SEL1L3: variants seen among roughly 807,000 people sequenced by gnomAD.
SEL1L3 encodes SEL1L family member 3.
A neutral mutation model predicts 142.8 loss-of-function variants in SEL1L3; 76 were observed. That is an observed-to-expected ratio of 0.53 (90% CI 0.44 to 0.64). SEL1L3 has a LOEUF of 0.64. SEL1L3 is among the 30% of genes least tolerant of loss of function. The pLI is 0.00. For missense variants in SEL1L3, 1,262 were observed against 1,381.7 expected, an observed-to-expected ratio of 0.91 and a Z score of 1.37; for synonymous variants, 504 against 519.6, an observed-to-expected ratio of 0.97 and a Z score of 0.41.
At chr4:25,764,164 C>T (rs1051206471) in intron 20 of SEL1L3, among the ~76,000 whole-genome samples, 18 of 152,180 alleles carry the variant, frequency 1.2e-4, no homozygotes, top group African/African-American at 3.6e-4. Context: ...CCCAAATCAA[C>T]AGACATTCTA....
chr4:25,769,503 A>T (rs1719000042), intron 17 of SEL1L3, among the ~76,000 whole-genome samples: 1 of 152,202 alleles, frequency 6.6e-6, no homozygotes, highest in Non-Finnish European at 1.5e-5. Context: ...GTCCCAAAGG[A>T]TGCTTGGGGA....
intron 11 of SEL1L3, among the ~76,000 whole-genome samples, chr4:25,801,034 G>A (rs945121060): frequency 6.6e-6 from 1 of 152,188 alleles, no homozygotes; most frequent in African/African-American, 2.4e-5. Context: ...AGTCAGCCAC[G>A]CAGCCTAAAA....
chr4:25,804,853 T>C, intron 9 of SEL1L3, 101 bp from the exon 10 acceptor site: 1 of 863,860 alleles, frequency 1.2e-6, no homozygotes, highest in Non-Finnish European at 1.9e-6. Context: ...GAGTTATTGA[T>C]ATGGTCGGTC....
At position 25,784,237 on chromosome 4, in the gene SEL1L3, T is replaced by G; in HGVS notation, c.2271A>C (p.Ala757=). 1 of 1,613,310 alleles carries G rather than the reference T, an allele frequency of 6.2e-7. No homozygotes were observed. The highest frequency in any genetic ancestry group is 1.1e-5 in the South Asian group (1 of 91,064). ...RRLALELMKK[A]ASKGLHQAVN... The stretch of plus-strand genomic sequence containing the variant: ...AATATGCATGTGTTACCTTGGAAGC[T>G]GCTTTCTTCATCAGCTCTAAGGCAA... The change falls in exon 14 of 24, where the codon GCA becomes GCC. Residue 757 remains alanine, a synonymous_variant. Transcript: ENST00000399878.
chr4:25,802,410 A>G lies in SEL1L3; in HGVS notation c.1829T>C (p.Met610Thr), dbSNP rs1367531667. 6.2e-7 allele frequency: 1 copy of G among 1,613,902 alleles called. No homozygotes were observed. Among genetic ancestry groups the G allele is most frequent in the Non-Finnish European group, 8.5e-7 (1 of 1,179,840 alleles). Residue 610 changes from methionine to threonine, a missense_variant, in exon 11 of 24, where the codon ATG (methionine) becomes ACG (threonine). By Grantham distance (81) the Met-to-Thr change is moderately conservative. Coordinates refer to ENST00000399878, the MANE Select transcript of SEL1L3 (RefSeq NM_015187.5). ...GGQGSERLSS[M>T]NLGYKHYQGI... ...CTGGTAGTGTTTATACCCAAGATTC[A>G]TTGAAGACAGCCTCTCACTCCCCTG...
At chr4:25,819,605 C>A (rs1016870006) in intron 8 of SEL1L3, among the ~76,000 whole-genome samples, 1 of 152,192 alleles carries the variant, frequency 6.6e-6, no homozygotes, top group African/African-American at 2.4e-5. Context: ...TTCTTCTTGG[C>A]TGTCATTGGT....
At chr4:25,842,882 A>C (rs1315306727) in intron 2 of SEL1L3, among the ~76,000 whole-genome samples, 1 of 152,240 alleles carries the variant, frequency 6.6e-6, no homozygotes, top group Non-Finnish European at 1.5e-5. Flanking sequence ...TGATCAGGCC[A>C]GGAAGGAAAA....
chr4:25,766,528 A>C (rs1400745693), intron 19 of SEL1L3, among the ~76,000 whole-genome samples: 1 of 152,112 alleles, frequency 6.6e-6, no homozygotes, highest in Admixed American at 6.5e-5. Flanking sequence ...GAGGAATTTC[A>C]TCATGGGGAA....
chr4:25,754,159 A>G (rs1045679297), intron 23 of SEL1L3, among the ~76,000 whole-genome samples: 15 of 144,936 alleles, frequency 1.0e-4, no homozygotes, highest in East Asian at 2.1e-4. Flanking sequence ...AAAATTAGCC[A>G]GGCGTGGTGG....
intron 13 of SEL1L3, among the ~76,000 whole-genome samples, chr4:25,786,645 G>C (rs1397390893): frequency 6.6e-6 from 1 of 152,166 alleles, no homozygotes; most frequent in Non-Finnish European, 1.5e-5. Context: ...CTGTGTATGA[G>C]CTCCCTGAGG....
At chr4:25,781,755 G>A (rs561993162) in intron 15 of SEL1L3, among the ~76,000 whole-genome samples, 16 of 152,246 alleles carry the variant, frequency 1.1e-4, no homozygotes, top group Middle Eastern at 3.4e-3. Flanking sequence ...ACATAAGAGG[G>A]CACATGGTAG....
rs912357396 is a variant in SEL1L3 at position 25,856,107 on chromosome 4, C to T, written c.162+6568G>A. ...GGTCCCTCTAGACCTTTTCAGACAA[C>T]TGCCCTACATTCTAGACCGTTTCCA... On this transcript the variant is annotated intron_variant, in intron 1 of 23. Transcript: ENST00000399878. 5.9e-5 allele frequency among the ~76,000 whole-genome samples: 9 copies of T among 152,304 alleles called. No homozygotes were observed. The East Asian group carries it at 1.7e-3, about 29-fold the overall frequency.
At chr4:25,725,688 A>G in the SEL1L3 span, among the ~76,000 whole-genome samples, 2 of 152,108 alleles carry the variant, frequency 1.3e-5, no homozygotes, top group African/African-American at 4.8e-5. Flanking sequence ...ATTTTCTGTG[A>G]AAGGGGCTTG....
chr4:25,799,253 T>C (rs1211338979), intron 11 of SEL1L3, among the ~76,000 whole-genome samples: 1 of 152,098 alleles, frequency 6.6e-6, no homozygotes, highest in African/African-American at 2.4e-5. Flanking sequence ...TTTTGCATTT[T>C]TAGTAGAGAT....
At chr4:25,739,429 A>C in the SEL1L3 span, among the ~76,000 whole-genome samples, 1 of 150,998 alleles carries the variant, frequency 6.6e-6, no homozygotes, top group Non-Finnish European at 1.5e-5. Context: ...TATTCTGGCC[A>C]GGAGTGGTGG....
chr4:25,843,912 C>T (rs1398577169), intron 2 of SEL1L3, among the ~76,000 whole-genome samples: 1 of 152,260 alleles, frequency 6.6e-6, no homozygotes, highest in African/African-American at 2.4e-5. Context: ...TTGGCAAAGC[C>T]AGCGATGGAG....
chr4:25,724,567 G>A, the SEL1L3 span, among the ~76,000 whole-genome samples: 97 of 151,494 alleles, frequency 6.4e-4, no homozygotes, highest in African/African-American at 2.3e-3. Flanking sequence ...CAGTGAAACC[G>A]TCTCTACTAA....
At chr4:25,827,696 A>G (rs574741179) in intron 6 of SEL1L3, among the ~76,000 whole-genome samples, 3 of 152,144 alleles carry the variant, frequency 2.0e-5, no homozygotes, top group South Asian at 4.2e-4. Context: ...TTCTGTGGCC[A>G]CTCTTTCTCC....
chr4:25,824,613 A>G (rs959217369), intron 6 of SEL1L3, among the ~76,000 whole-genome samples: 11 of 152,248 alleles, frequency 7.2e-5, no homozygotes, highest in Admixed American at 6.5e-5. Context: ...CTTAGCAAGA[A>G]TAAGATGTGC....
Sources: gnomAD v4.1 joint callset for allele counts (sites outside exome capture counted in the v4.1 genomes callset) on GRCh38, gnomAD v4.1.1 for gene constraint, MANE v1.5 for transcripts, NCBI Gene and HGNC (gene_info 2026-07-23, HGNC 2026-07-21) for gene names.